The following NRXN3 variants were observed in gnomAD, a reference collection of about 807,000 sequenced individuals.
NRXN3 encodes neurexin III.
Under a neutral mutation model 137.6 loss-of-function variants are expected in NRXN3, and 32 were observed. That is an observed-to-expected ratio of 0.23 (90% CI 0.18 to 0.31). NRXN3 has a LOEUF of 0.31. NRXN3 is among the 10% of genes least tolerant of loss of function. NRXN3 has a pLI of 1.00. For missense variants in NRXN3, 1,574 were observed against 2,062.5 expected, an observed-to-expected ratio of 0.76 and a Z score of 4.59; for synonymous variants, 798 against 784.5, an observed-to-expected ratio of 1.02 and a Z score of -0.29.
chr14:79,497,303 T>C (rs1338964206), intron 16 of NRXN3, among the ~76,000 whole-genome samples: 1 of 152,034 alleles, frequency 6.6e-6, no homozygotes, highest in Non-Finnish European at 1.5e-5. Context: ...CATTCTGGCC[T>C]CTTTACTATC....
At position 79,348,404 on chromosome 14, in the gene NRXN3, C is replaced by G. The variant is rs1246877792; in HGVS notation, c.3263-118817C>G. 2.9e-5 allele frequency among the ~76,000 whole-genome samples: 4 copies of G among 139,034 alleles called. No individual in the cohort carries two copies. In the East Asian group the frequency reaches 8.3e-4, roughly 29 times the overall value. The allele number at this position is 139,034 out of a possible 152,430, so 91.2% of individuals were successfully genotyped here. A position where few individuals can be genotyped will look rare whatever the true frequency, so the allele number is the denominator to read the frequency against. On this transcript the variant is annotated intron_variant, in intron 15 of 20. Coordinates refer to ENST00000335750, the MANE Select transcript of NRXN3 (RefSeq NM_001330195.2). ...TTTTTTTTTTTTTTTGAGACAGAGTCTCGCTCTGTCGCCCAGGCTGGAGTG... is the reference window on the plus strand; with the variant it reads ...TTTTTTTTTTTTTTTGAGACAGAGTGTCGCTCTGTCGCCCAGGCTGGAGTG...
At chr14:79,276,907 C>T (rs751471761) in intron 15 of NRXN3, among the ~76,000 whole-genome samples, 8 of 152,106 alleles carry the variant, frequency 5.3e-5, no homozygotes, top group African/African-American at 7.2e-5. Flanking sequence ...TTACTGAGCC[C>T]GTATGATGTG....
chr14:78,521,996 A>G (rs1365125706), intron 4 of NRXN3, among the ~76,000 whole-genome samples: 2 of 152,326 alleles, frequency 1.3e-5, no homozygotes, highest in East Asian at 3.9e-4. Context: ...TGAATGATTT[A>G]GGTCATACTT....
intron 10 of NRXN3, among the ~76,000 whole-genome samples, chr14:78,932,167 T>C (rs1334950441): frequency 6.6e-6 from 1 of 151,418 alleles, no homozygotes; most frequent in Non-Finnish European, 1.5e-5. Context: ...TAATTAATTT[T>C]TTTAAAAAGC....
chr14:79,597,989 A>C (rs1183122114), intron 16 of NRXN3, among the ~76,000 whole-genome samples: 4 of 152,216 alleles, frequency 2.6e-5, no homozygotes, highest in African/African-American at 9.7e-5. Flanking sequence ...TCTTTATCCA[A>C]CACTTCTCTA....
chr14:79,473,235 A>G (rs2096530490), intron 16 of NRXN3, among the ~76,000 whole-genome samples: 1 of 152,114 alleles, frequency 6.6e-6, no homozygotes, highest in Non-Finnish European at 1.5e-5. Context: ...AACTTTGAAA[A>G]CAGATTGATA....
intron 19 of NRXN3, among the ~76,000 whole-genome samples, chr14:79,744,106 A>G (rs2098971494): frequency 6.6e-6 from 1 of 152,150 alleles, no homozygotes; most frequent in Non-Finnish European, 1.5e-5. Flanking sequence ...GATTAATGAG[A>G]TTCTTCCTTT....
intron 10 of NRXN3, among the ~76,000 whole-genome samples, chr14:78,909,326 A>C (rs1351765153): frequency 6.6e-6 from 1 of 152,146 alleles, no homozygotes; most frequent in Non-Finnish European, 1.5e-5. Context: ...GTCAAGAGCA[A>C]AGGTCATTGC....
intron 15 of NRXN3, among the ~76,000 whole-genome samples, chr14:79,106,939 T>C (rs1020749850): frequency 6.6e-6 from 1 of 152,112 alleles, no homozygotes; most frequent in Non-Finnish European, 1.5e-5. Flanking sequence ...AGTTAACTAA[T>C]TTGTGATTTT....
chr14:78,629,916 A>G (rs998572835), intron 4 of NRXN3, among the ~76,000 whole-genome samples: 1 of 152,260 alleles, frequency 6.6e-6, no homozygotes, highest in Non-Finnish European at 1.5e-5. Flanking sequence ...CCAAAATGCC[A>G]AATTTACAAT....
At chr14:78,540,486 C>T (rs566891177) in intron 4 of NRXN3, among the ~76,000 whole-genome samples, 1 of 131,014 alleles carries the variant, frequency 7.6e-6, no homozygotes, top group South Asian at 2.6e-4. Flanking sequence ...TTCCTCCATT[C>T]CTCTATTTTG....
chr14:79,683,796 T>C (rs908417438), intron 17 of NRXN3, among the ~76,000 whole-genome samples: 1 of 152,184 alleles, frequency 6.6e-6, no homozygotes, highest in South Asian at 2.1e-4. Flanking sequence ...CCTTGCCTTA[T>C]GTATGTTTCC....
chr14:78,208,566 C>T (rs2062434613), intron 1 of NRXN3, among the ~76,000 whole-genome samples: 1 of 152,188 alleles, frequency 6.6e-6, no homozygotes, highest in African/African-American at 2.4e-5. Flanking sequence ...CACTTCTTTC[C>T]CTGAGCTACT....
At chr14:78,260,253 A>C (rs999919013) in intron 2 of NRXN3, among the ~76,000 whole-genome samples, 6 of 152,184 alleles carry the variant, frequency 3.9e-5, no homozygotes, top group African/African-American at 1.4e-4. Context: ...GTCTCTCTTC[A>C]CATATGGCAG....
chr14:78,651,938 T>G (rs569064073), intron 6 of NRXN3, among the ~76,000 whole-genome samples: 57 of 152,202 alleles, frequency 3.7e-4, no homozygotes, highest in Non-Finnish European at 6.9e-4. Flanking sequence ...TTTCCTCATC[T>G]AACAAATGGA....
intron 16 of NRXN3, among the ~76,000 whole-genome samples, chr14:79,560,507 T>TTTTTC (rs1461854508): frequency 1.1e-5 from 1 of 95,120 alleles, no homozygotes; most frequent in Non-Finnish European, 2.2e-5. Context: ...TTGTAAGCTT[T>TTTTTC]TTTTTTTTTT....
In NRXN3 at chr14:79,803,006, A is replaced by AC. The variant is rs2099187869; in HGVS notation, c.4015-2104dup. On this transcript the variant is annotated intron_variant, in intron 19 of 20. Transcript: ENST00000335750. ...TCGCACCCATTTACCTATGTAACAA[A>AC]CCTGCACGTTTTGCACATGTATCCT... Among the ~76,000 whole-genome samples the AC allele has an allele frequency of 2.0e-5, 3 of 152,266 alleles. No individual in the cohort carries two copies. In the South Asian group the frequency reaches 6.2e-4, roughly 32 times the overall value.
chr14:79,827,126 G>A (rs900099493), intron 20 of NRXN3, among the ~76,000 whole-genome samples: 1 of 152,176 alleles, frequency 6.6e-6, no homozygotes, highest in Non-Finnish European at 1.5e-5. Context: ...CCTAGTGGGG[G>A]ACACTGTCAT....
At chr14:78,813,023 T>C (rs910932784) in intron 10 of NRXN3, among the ~76,000 whole-genome samples, 5 of 3,846 alleles carry the variant, frequency 1.3e-3, no homozygotes, top group African/African-American at 3.6e-3. Flanking sequence ...AAAGTAAATA[T>C]AATACATTTT....
Sources: allele counts gnomAD v4.1 joint callset (sites outside exome capture counted in the v4.1 genomes callset), GRCh38; gene constraint gnomAD v4.1.1; transcripts MANE v1.5; gene names NCBI Gene and HGNC (gene_info 2026-07-23, HGNC 2026-07-21).